Variants in UBASH3B observed in about 807,000 individuals in gnomAD.
UBASH3B encodes ubiquitin-associated and SH3 domain-containing protein B.
UBASH3B carries 37 observed loss-of-function variants against 83.4 expected under a neutral mutation model. The ratio of observed to expected loss-of-function variants is 0.44; its 90% CI spans 0.34 to 0.58. The LOEUF is 0.58. Among genes scored for constraint, UBASH3B ranks in the 20% least tolerant of loss-of-function variants. The probability of loss-of-function intolerance (pLI) is 0.01; values close to 1 mark genes in which losing one functional copy is unlikely to be tolerated. For missense variants in UBASH3B, 657 were observed against 827.2 expected (o/e 0.79, Z 2.52); for synonymous variants, 304 against 318.3 (o/e 0.96, Z 0.48).
At chr11:122,793,034 C>T (rs1046359257) in intron 6 of UBASH3B, among the ~76,000 whole-genome samples, 7 of 152,194 alleles carry the variant, frequency 4.6e-5, no homozygotes, top group African/African-American at 1.7e-4. Flanking sequence ...CAAAAATTTA[C>T]TAACAACCAG....
intron 1 of UBASH3B, among the ~76,000 whole-genome samples, chr11:122,761,254 C>T (rs1861366492): frequency 6.6e-6 from 1 of 152,136 alleles, no homozygotes; most frequent in South Asian, 2.1e-4. Context: ...AAGTCCGTGA[C>T]TTCTTTGTGT....
At chr11:122,777,944 G>A (rs1379747459) in intron 3 of UBASH3B, among the ~76,000 whole-genome samples, 1 of 151,842 alleles carries the variant, frequency 6.6e-6, no homozygotes, top group Non-Finnish European at 1.5e-5. Context: ...TGGCCAGGCT[G>A]GTCTTGAACT....
At chr11:122,683,734 A>T (rs4936716) in intron 1 of UBASH3B, among the ~76,000 whole-genome samples, 103,950 of 148,924 alleles carry the variant, frequency 0.7, 39,179 homozygotes, top group Admixed American at 0.83. Flanking sequence ...CCTTATAATT[A>T]AAAAAAAATT....
chr11:122,775,045 A>G (rs1408168392), intron 1 of UBASH3B, among the ~76,000 whole-genome samples: 1 of 152,208 alleles, frequency 6.6e-6, no homozygotes, highest in Non-Finnish European at 1.5e-5. Context: ...CTGTATAATT[A>G]ATATTTACAT....
chr11:122,669,709 T>C (rs1435178237), intron 1 of UBASH3B, among the ~76,000 whole-genome samples: 4 of 152,218 alleles, frequency 2.6e-5, no homozygotes, highest in Admixed American at 2.6e-4. Context: ...AGACAATATT[T>C]TAAACACCTA....
rs35117227 is a variant in UBASH3B, at chr11:122,674,724, G to GTTT, written c.161+18534_161+18536dup. Reference sequence around the variant, plus strand: ...TCAGCACAGCAAAGCTCTGCAGTTAGTTTTTTTTTTTTTTTTTTTTTTGAG... The same window carrying GTTT: ...TCAGCACAGCAAAGCTCTGCAGTTAGTTTTTTTTTTTTTTTTTTTTTTTTTGAG... On this transcript the variant is annotated intron_variant, in intron 1 of 13. Transcript: ENST00000284273. 7.0e-4 allele frequency among the ~76,000 whole-genome samples: 79 copies of GTTT among 112,280 alleles called. 4 individuals carry two copies. Among genetic ancestry groups the GTTT allele is most frequent in the East Asian group, 1.6e-3 (6 of 3,712 alleles). The allele number at this position is 112,280 out of a possible 152,430, so 73.7% of individuals were successfully genotyped here. A position where few individuals can be genotyped will look rare whatever the true frequency, so the allele number is the denominator to read the frequency against.
At chr11:122,686,342 A>G (rs1198624900) in intron 1 of UBASH3B, among the ~76,000 whole-genome samples, 2 of 152,216 alleles carry the variant, frequency 1.3e-5, no homozygotes, top group Non-Finnish European at 2.9e-5. Flanking sequence ...GTCAACACGC[A>G]TGGTCGAGCG....
intron 1 of UBASH3B, among the ~76,000 whole-genome samples, chr11:122,732,189 G>A (rs968954881): frequency 6.6e-6 from 1 of 152,164 alleles, no homozygotes; most frequent in Non-Finnish European, 1.5e-5. Context: ...ATGCATACAT[G>A]TGAGGACCCT....
chr11:122,727,884 C>T (rs765543162), intron 1 of UBASH3B, among the ~76,000 whole-genome samples: 6 of 152,318 alleles, frequency 3.9e-5, no homozygotes, highest in Non-Finnish European at 8.8e-5. Context: ...CCTCCCCGCA[C>T]AGCTGGGCCA....
chr11:122,777,263 G>C (rs749061100), intron 3 of UBASH3B, 53 bp downstream of exon 3: 4 of 1,547,796 alleles, frequency 2.6e-6, no homozygotes, highest in Non-Finnish European at 3.5e-6. Context: ...GATCCCAGCC[G>C]GCCCTTTGGG....
chr11:122,718,080 T>A (rs1860556603), intron 1 of UBASH3B, among the ~76,000 whole-genome samples: 1 of 151,864 alleles, frequency 6.6e-6, no homozygotes, highest in South Asian at 2.1e-4. Context: ...CACTACCAAG[T>A]CTGGCTAATT....
At chr11:122,723,464 G>T (rs935640501) in intron 1 of UBASH3B, among the ~76,000 whole-genome samples, 4 of 152,220 alleles carry the variant, frequency 2.6e-5, no homozygotes, top group Non-Finnish European at 5.9e-5. Context: ...TGTCCCAGGG[G>T]TGTTGGTTTC....
intron 1 of UBASH3B, among the ~76,000 whole-genome samples, chr11:122,728,049 G>C (rs182435567): frequency 5.8e-4 from 88 of 152,082 alleles, no homozygotes; most frequent in African/African-American, 2.0e-3. Flanking sequence ...TGTTGCCCAG[G>C]CTGGTCTCAA....
chr11:122,662,512 ACCTCCG>A (rs1200440455), intron 1 of UBASH3B, among the ~76,000 whole-genome samples: 2 of 149,402 alleles, frequency 1.3e-5, no homozygotes, highest in East Asian at 3.9e-4. Flanking sequence ...ACTGCATGCA[ACCTCCG>A]CCTCCCAGGT....
chr11:122,714,431 TGAA>T (rs1864240939), intron 1 of UBASH3B, among the ~76,000 whole-genome samples: 1 of 152,238 alleles, frequency 6.6e-6, no homozygotes, highest in Non-Finnish European at 1.5e-5. Context: ...TAGGGGACAC[TGAA>T]GAAGAACACC....
chr11:122,792,461 G>A (rs751218266), intron 6 of UBASH3B, among the ~76,000 whole-genome samples: 5 of 152,062 alleles, frequency 3.3e-5, no homozygotes, highest in Non-Finnish European at 5.9e-5. Context: ...CAGGACTACA[G>A]GTGTGTGCCA....
chr11:122,717,482 TCCA>T (rs1860544724), intron 1 of UBASH3B, among the ~76,000 whole-genome samples: 1 of 152,200 alleles, frequency 6.6e-6, no homozygotes, highest in African/African-American at 2.4e-5. Flanking sequence ...TCCTGTGGCC[TCCA>T]CCACATGCAT....
At chr11:122,754,856 G>A (rs1861258171) in intron 1 of UBASH3B, among the ~76,000 whole-genome samples, 1 of 152,198 alleles carries the variant, frequency 6.6e-6, no homozygotes, top group African/African-American at 2.4e-5. Context: ...AAGGTTGGAG[G>A]ACTTGCCCAA....
At chr11:122,733,020 T>C (rs1255593297) in intron 1 of UBASH3B, among the ~76,000 whole-genome samples, 1 of 152,212 alleles carries the variant, frequency 6.6e-6, no homozygotes. Context: ...TTGAAGGCCT[T>C]TTGGGATAGC....
Sources: gnomAD v4.1 joint callset for allele counts (sites outside exome capture counted in the v4.1 genomes callset) on GRCh38, gnomAD v4.1.1 for gene constraint, MANE v1.5 for transcripts, NCBI Gene and HGNC (gene_info 2026-07-23, HGNC 2026-07-21) for gene names.